Variants in RSRC1 observed in about 807,000 individuals in gnomAD.
RSRC1 encodes arginine and serine rich coiled-coil 1.
A neutral mutation model predicts 49.1 loss-of-function variants in RSRC1; 39 were observed. The observed-to-expected ratio is 0.79, with a 90% CI of 0.61 to 1.04. The LOEUF (loss-of-function observed/expected upper bound fraction) is 1.04. RSRC1 is among the 50% of genes least tolerant of loss of function. The probability of loss-of-function intolerance (pLI) is 0.00; values close to 1 mark genes in which losing one functional copy is unlikely to be tolerated. For missense variants in RSRC1, 388 were observed against 402.4 expected, an observed-to-expected ratio of 0.96 and a Z score of 0.31; for synonymous variants, 143 against 130.8, an observed-to-expected ratio of 1.09 and a Z score of -0.63.
At chr3:158,466,674 C>T (rs772116093) in intron 7 of RSRC1, among the ~76,000 whole-genome samples, 3 of 152,102 alleles carry the variant, frequency 2.0e-5, no homozygotes, top group African/African-American at 7.2e-5. Context: ...GCTCTGTGAC[C>T]GAATAAATCA....
intron 6 of RSRC1, among the ~76,000 whole-genome samples, chr3:158,430,231 C>T (rs1735711986): frequency 1.3e-5 from 2 of 151,720 alleles, no homozygotes; most frequent in South Asian, 4.2e-4. Context: ...TTTTTTGCAT[C>T]ATTTATCTTT....
Position 158,157,088 on chromosome 3 carries a change from G to T in RSRC1, c.320+33097G>T, listed in dbSNP as rs543150710. Among the ~76,000 whole-genome samples the T allele has an allele frequency of 6.6e-5, 10 of 152,320 alleles. No homozygotes were observed. In the East Asian group the frequency reaches 1.9e-3, roughly 29 times the overall value. ...CAAACAGCACTTTTAAAAAGGGTTA[G>T]ATGTCTCTAGCTTTTCTCTGTTATT... On this transcript the variant is annotated intron_variant, in intron 3 of 9. Transcript: ENST00000611884.
At chr3:158,174,520 A>T in intron 3 of RSRC1, among the ~76,000 whole-genome samples, 1 of 151,928 alleles carries the variant, frequency 6.6e-6, no homozygotes, top group East Asian at 1.9e-4. Context: ...ACCCCTCACA[A>T]TCATTATTAT....
At chr3:158,313,042 A>T (rs1192983161) in intron 5 of RSRC1, among the ~76,000 whole-genome samples, 1 of 152,058 alleles carries the variant, frequency 6.6e-6, no homozygotes, top group East Asian at 1.9e-4. Flanking sequence ...TATTTCTTAT[A>T]TTCTAGTCCT....
intron 6 of RSRC1, among the ~76,000 whole-genome samples, chr3:158,440,747 C>T (rs1173460310): frequency 6.6e-6 from 1 of 151,914 alleles, no homozygotes; most frequent in Non-Finnish European, 1.5e-5. Context: ...AGTTTGAAAC[C>T]AACCTGACGA....
intron 7 of RSRC1, among the ~76,000 whole-genome samples, chr3:158,478,947 G>GAAAAAA (rs1491197957): frequency 2.2e-5 from 1 of 44,782 alleles, no homozygotes; most frequent in African/African-American, 8.7e-5. Context: ...AGGAGAAAAA[G>GAAAAAA]CAAAAAAAAA....
intron 3 of RSRC1, among the ~76,000 whole-genome samples, chr3:158,158,828 A>G (rs141524234): frequency 6.6e-6 from 1 of 151,504 alleles, no homozygotes; most frequent in African/African-American, 2.4e-5. Context: ...AATCTCAGCT[A>G]CTCGGGAGGC....
intron 2 of RSRC1, among the ~76,000 whole-genome samples, chr3:158,123,550 G>A (rs180898353): frequency 0.011 from 1,596 of 151,518 alleles, 8 homozygotes; most frequent in Non-Finnish European, 0.016. Context: ...CTCCTGCCTC[G>A]GCCTCCCAAC....
intron 4 of RSRC1, among the ~76,000 whole-genome samples, chr3:158,243,189 AT>A (rs1238687795): frequency 2.0e-5 from 3 of 152,178 alleles, no homozygotes; most frequent in African/African-American, 7.2e-5. Context: ...CGGGTTTTAC[AT>A]TTAAGTCTTT....
chr3:158,481,131 C>T (rs1738596266), intron 7 of RSRC1, among the ~76,000 whole-genome samples: 1 of 152,034 alleles, frequency 6.6e-6, no homozygotes, highest in Non-Finnish European at 1.5e-5. Context: ...GAAGTAGTGT[C>T]GTTTATATTG....
intron 3 of RSRC1, among the ~76,000 whole-genome samples, chr3:158,139,840 G>A (rs943454086): frequency 2.0e-5 from 3 of 152,044 alleles, no homozygotes; most frequent in African/African-American, 7.3e-5. Context: ...TCCCCATGTT[G>A]GCCAGGCTGG....
At chr3:158,541,589 G>A (rs76985118) in intron 8 of RSRC1, among the ~76,000 whole-genome samples, 3,987 of 152,034 alleles carry the variant, frequency 0.026, 85 homozygotes, top group East Asian at 0.099. Context: ...TTTATCCTCT[G>A]TATATTTTTC....
chr3:158,521,653 AG>A (rs1274946662), intron 7 of RSRC1, among the ~76,000 whole-genome samples: 1 of 151,734 alleles, frequency 6.6e-6, no homozygotes, highest in Non-Finnish European at 1.5e-5. Flanking sequence ...TAATATTCAC[AG>A]TCACTTACTT....
At chr3:158,471,798 G>A (rs1464761731) in intron 7 of RSRC1, among the ~76,000 whole-genome samples, 1 of 152,076 alleles carries the variant, frequency 6.6e-6, no homozygotes, top group Non-Finnish European at 1.5e-5. Flanking sequence ...AAAGAATTTA[G>A]TCATCTTATT....
chr3:158,424,870 C>T (rs528394829), intron 6 of RSRC1, among the ~76,000 whole-genome samples: 46 of 151,942 alleles, frequency 3.0e-4, no homozygotes, highest in Middle Eastern at 3.4e-3. Flanking sequence ...TTTGCGTAGA[C>T]GTGTTTGTAG....
At chr3:158,335,659 A>C (rs4680426) in intron 5 of RSRC1, among the ~76,000 whole-genome samples, 5 of 151,930 alleles carry the variant, frequency 3.3e-5, no homozygotes, top group African/African-American at 1.2e-4. Context: ...AGTCAATAGT[A>C]GTCTAGATCA....
chr3:158,202,640 T>G (rs1020531223), intron 3 of RSRC1, among the ~76,000 whole-genome samples: 1 of 146,118 alleles, frequency 6.8e-6, no homozygotes, highest in East Asian at 2.1e-4. Context: ...TTTACTGTAA[T>G]GCATTTAATA....
intron 7 of RSRC1, among the ~76,000 whole-genome samples, chr3:158,526,648 T>C (rs1712042173): frequency 6.6e-6 from 1 of 151,968 alleles, no homozygotes; most frequent in South Asian, 2.1e-4. Flanking sequence ...TAAATTAATT[T>C]CCTATTTCTG....
intron 4 of RSRC1, among the ~76,000 whole-genome samples, chr3:158,296,564 A>C (rs1236900753): frequency 1.3e-5 from 2 of 152,100 alleles, no homozygotes; most frequent in East Asian, 3.8e-4. Flanking sequence ...TGTTCTTGTG[A>C]AAATGTAAAG....
Sources: allele counts gnomAD v4.1 joint callset (sites outside exome capture counted in the v4.1 genomes callset), GRCh38; gene constraint gnomAD v4.1.1; transcripts MANE v1.5; gene names NCBI Gene and HGNC (gene_info 2026-07-23, HGNC 2026-07-21).